The following DNAH2 variants were observed in gnomAD, a reference collection of about 807,000 sequenced individuals.
The protein encoded by DNAH2 is dynein axonemal heavy chain 2.
In DNAH2, 323 loss-of-function variants were observed where a neutral mutation model predicts 523.5. That is an observed-to-expected ratio of 0.62 (90% CI 0.56 to 0.68). The LOEUF (loss-of-function observed/expected upper bound fraction) is 0.68, where lower values mean the gene tolerates loss of function less well. Among genes scored for constraint, DNAH2 ranks in the 30% least tolerant of loss-of-function variants. The probability of loss-of-function intolerance (pLI) is 0.00; values close to 1 mark genes in which losing one functional copy is unlikely to be tolerated. For synonymous variants in DNAH2, 2,093 were observed against 2,177.4 expected (o/e 0.96, Z 1.08); for missense variants, 4,907 against 5,701.5 (o/e 0.86, Z 4.49).
Position 7,791,779 on chromosome 17 carries a change from G to T in DNAH2, c.6901-138G>T, listed in dbSNP as rs952438368. The T allele has an allele frequency of 9.8e-6, 8 of 817,416 alleles. No homozygotes were observed. In the African/African-American group the frequency reaches 1.4e-4, roughly 14 times the overall value. The allele number at this position is 817,416 out of a possible 1,614,324, so 50.6% of individuals were successfully genotyped here. On this transcript the variant is annotated intron_variant, in intron 44 of 85. Transcript: ENST00000572933. ...AGGTTGTAGATAAACATCCACATTT[G>T]GAAAACTGTGCGATTTTCCAAATAG...
At position 7,767,827 on chromosome 17, in the gene DNAH2, G is replaced by T; in HGVS notation, c.3676-73G>T. 12 of 1,597,902 alleles carry T rather than the reference G, an allele frequency of 7.5e-6. No homozygotes were observed. The South Asian group carries it at 7.8e-5, about 10-fold the overall frequency. On this transcript the variant is annotated intron_variant, in intron 22 of 85. Transcript: ENST00000572933. Reference sequence around the variant, plus strand: ...GGAAGCTTCACAGAGCGAGAGCAGCGAAGGGCCTGGGCGTCCGTCAGGGAG... The same window carrying T: ...GGAAGCTTCACAGAGCGAGAGCAGCTAAGGGCCTGGGCGTCCGTCAGGGAG...
chr17:7,770,481 T>C, intron 25 of DNAH2, 73 bp downstream of exon 25: 1 of 1,613,428 alleles, frequency 6.2e-7, no homozygotes, highest in Non-Finnish European at 8.5e-7. Context: ...GTTCATCATC[T>C]GATGGCGCCT....
chr17:7,793,453 TTCTTTCTTTCTTTCTTTCTTTC>T (rs2076961184), intron 48 of DNAH2, among the ~76,000 whole-genome samples: 25 of 121,786 alleles, frequency 2.1e-4, no homozygotes, highest in African/African-American at 6.4e-4. Flanking sequence ...TTCTTTTTCT[TTCTTTCTTTCTTTCTTTCTTTC>T]TTTCTTTCTT....
At chr17:7,726,776 T>G (rs2074826110) in intron 3 of DNAH2, among the ~76,000 whole-genome samples, 1 of 152,160 alleles carries the variant, frequency 6.6e-6, no homozygotes, top group Non-Finnish European at 1.5e-5. Context: ...TGATCTAGGC[T>G]AATATCCTAC....
chr17:7,741,236 C>CTTTCTTTCTT lies in DNAH2; in HGVS notation c.1689+245_1689+246insTTCTTTCTTT, dbSNP rs1555540639. ...TCCTTCCTTTCTTTTTTTTCTCTCTCTCTTTCTTTCTTTCTTTCTTTCTTT... is the reference window on the plus strand; with the variant it reads ...TCCTTCCTTTCTTTTTTTTCTCTCTCTTTCTTTCTTTCTTTCTTTCTTTCTTTCTTTCTTT... On this transcript the variant is annotated intron_variant, in intron 11 of 85. Transcript: ENST00000572933. Among the ~76,000 whole-genome samples the CTTTCTTTCTT allele has an allele frequency of 8.9e-4, 76 of 85,654 alleles. 3 individuals carry two copies. Among genetic ancestry groups the CTTTCTTTCTT allele is most frequent in the East Asian group, 3.6e-3 (11 of 3,098 alleles). 56.2% of individuals were successfully genotyped at this position (85,654 alleles called of 152,430 possible). A position where few individuals can be genotyped will look rare whatever the true frequency, so the allele number is the denominator to read the frequency against.
chr17:7,824,812 C>T, intron 77 of DNAH2, 85 bp downstream of exon 77: 8 of 1,197,034 alleles, frequency 6.7e-6, no homozygotes, highest in Non-Finnish European at 9.0e-6. Flanking sequence ...GCTTAACCAA[C>T]AACAACATGA....
intron 39 of DNAH2, among the ~76,000 whole-genome samples, chr17:7,781,469 C>T (rs957871792): frequency 3.9e-5 from 6 of 151,972 alleles, no homozygotes; most frequent in Non-Finnish European, 8.8e-5. Flanking sequence ...CAGAGCAAGA[C>T]CGTGTCTCAA....
At chr17:7,755,470 C>T (rs996434644) in intron 12 of DNAH2, among the ~76,000 whole-genome samples, 13 of 151,380 alleles carry the variant, frequency 8.6e-5, no homozygotes, top group Non-Finnish European at 1.5e-4. Flanking sequence ...TGAGGATTGG[C>T]GAGAGAGTGG....
rs2078227173 is a variant in DNAH2, at chr17:7,832,948, G to A, written c.12978+20G>A. On this transcript the variant is annotated intron_variant, in intron 84 of 85. Transcript: ENST00000572933. The surrounding 1 kb of genome is among the most constrained non-coding windows in gnomAD (Gnocchi z 4.3). ...CCCAAGGTGGGAGCCAGTTGTGCTT[G>A]GGGCTCTGAGCAAAAGAGGGTACTG... The A allele has an allele frequency of 1.2e-6, 2 of 1,614,066 alleles. No homozygotes were observed. The highest frequency in any genetic ancestry group is 1.3e-5 in the African/African-American group (1 of 74,930).
rs1199122639 is a variant in DNAH2, at chr17:7,770,249, C to A, written c.3942-3C>A. On this transcript the variant is annotated splice_polypyrimidine_tract_variant and splice_region_variant and intron_variant, in intron 24 of 85. Transcript: ENST00000572933. ...CCTCACACCCTCCTGTTCCTGGCTGCAGGCACTGGGACCAGGTCCGGGATG... is the reference window on the plus strand; with the variant it reads ...CCTCACACCCTCCTGTTCCTGGCTGAAGGCACTGGGACCAGGTCCGGGATG... The A allele has an allele frequency of 6.3e-7, 1 of 1,597,858 alleles. No homozygotes were observed. Among genetic ancestry groups the A allele is most frequent in the African/African-American group, 1.3e-5 (1 of 74,518 alleles).
chr17:7,800,113 G>A (rs1198149130), intron 56 of DNAH2, among the ~76,000 whole-genome samples: 2 of 152,168 alleles, frequency 1.3e-5, no homozygotes, highest in Non-Finnish European at 2.9e-5. Flanking sequence ...GTGCAGTGCT[G>A]TGATCTCGAC....
Position 7,805,069 on chromosome 17 carries a change from A to G in DNAH2, c.9295A>G (p.Met3099Val). The stretch of plus-strand genomic sequence containing the variant: ...GGCACTGCCCGCCCTGGAAGAGGCC[A>G]TGCGGGTACCAGGGGCGGGTGCAAG... ...EEALPALEEA[M>V]RALESLNKKD... The change falls in exon 60 of 86, where the codon ATG becomes GTG. Residue 3099 changes from methionine to valine, a missense_variant. Physicochemically the swap from Met to Val is conservative, Grantham distance 21. This residue lies in a region of DNAH2 where 1,851 missense variants were observed against 2,139.4 expected (regional missense o/e 0.87). Coordinates refer to ENST00000572933, the MANE Select transcript of DNAH2 (RefSeq NM_020877.5). The G allele has an allele frequency of 6.2e-7, 1 of 1,613,676 alleles. No homozygotes were observed. Among genetic ancestry groups the G allele is most frequent in the Non-Finnish European group, 8.5e-7 (1 of 1,179,650 alleles).
At position 7,723,612 on chromosome 17, in the gene DNAH2, T is replaced by C. The variant is rs767681024; in HGVS notation, c.167-16T>C. On this transcript the variant is annotated splice_polypyrimidine_tract_variant and intron_variant, in intron 2 of 85. Coordinates refer to ENST00000572933, the MANE Select transcript of DNAH2 (RefSeq NM_020877.5). ...TCCAAGAAATGCCTTCCTTTTTGTA[T>C]GTTTATTCTTCCTAGAGCCACGGTT... The C allele has an allele frequency of 1.9e-6, 3 of 1,612,836 alleles. No individual in the cohort carries two copies. Among genetic ancestry groups the C allele is most frequent in the Non-Finnish European group, 2.5e-6 (3 of 1,178,984 alleles).
chr17:7,755,081 C>T (rs746680066), intron 12 of DNAH2: 9 of 236,500 alleles, frequency 3.8e-5, no homozygotes, highest in African/African-American at 6.8e-5. Flanking sequence ...TAAGTGCATA[C>T]GTTTTACAGC....
chr17:7,797,987 A>G (rs2077113380), intron 53 of DNAH2, among the ~76,000 whole-genome samples, 158 bp downstream of exon 53: 1 of 152,192 alleles, frequency 6.6e-6, no homozygotes, highest in African/African-American at 2.4e-5. Context: ...TTAACAGAGA[A>G]GGTGGAGGTT....
rs747619795 is a variant in DNAH2 at position 7,770,399 on chromosome 17, T to C, written c.4089T>C (p.Ala1363=). The change falls in exon 25 of 86, where the codon GCT becomes GCC. Residue 1363 remains alanine (A), a synonymous_variant. Transcript: ENST00000572933. ...EISASATKEL[A]IEVALQNIAK... ...CTGCTTCAGCAACTAAAGAGCTGGC[T>C]ATAGAAGTGGTACGACAGTCCCCTC... is the stretch of plus-strand genomic sequence containing the variant. The C allele has an allele frequency of 1.3e-5, 21 of 1,612,976 alleles. No individual in the cohort carries two copies. Among genetic ancestry groups the C allele is most frequent in the Non-Finnish European group, 1.8e-5 (21 of 1,179,478 alleles).
At chr17:7,726,789 A>T in intron 3 of DNAH2, among the ~76,000 whole-genome samples, 1 of 152,038 alleles carries the variant, frequency 6.6e-6, no homozygotes, top group Admixed American at 6.6e-5. Flanking sequence ...TATCCTACAC[A>T]TTCCCTTAAT....
intron 18 of DNAH2, among the ~76,000 whole-genome samples, chr17:7,761,386 C>T (rs183667665): frequency 4.5e-4 from 68 of 152,200 alleles, no homozygotes; most frequent in Middle Eastern, 3.4e-3. Context: ...TCCTGGCTAA[C>T]GCTCCTGAGT....
chr17:7,763,852 C>T lies in DNAH2; in HGVS notation c.3000C>T (p.Asn1000=), dbSNP rs200654118. ...DIARYTEVAN[N]VQKEETVTNI... The stretch of plus-strand genomic sequence containing the variant: ...GCAGCTACACGGAAGTTGCTAATAA[C>T]GTGCAGAAGGAGGAGACAGTCACCA... Residue 1000 remains asparagine, a synonymous_variant, in exon 19 of 86, where the codon AAC becomes AAT. Coordinates refer to ENST00000572933, the MANE Select transcript of DNAH2 (RefSeq NM_020877.5). 268 of 1,614,142 alleles carry T rather than the reference C, an allele frequency of 1.7e-4. No individual in the cohort carries two copies. Among genetic ancestry groups the T allele is most frequent in the Non-Finnish European group, 2.1e-4 (244 of 1,180,034 alleles).
Sources: gnomAD v4.1 joint callset for allele counts (sites outside exome capture counted in the v4.1 genomes callset) on GRCh38, gnomAD v4.1.1 for gene constraint, gnomAD v4.1.1 regional missense constraint, Gnocchi (gnomAD v3.1) non-coding constraint, MANE v1.5 for transcripts, NCBI Gene and HGNC (gene_info 2026-07-23, HGNC 2026-07-21) for gene names.